Variants in BICD1 observed in about 807,000 individuals in gnomAD.
BICD1 encodes BICD cargo adaptor 1, also known as protein bicaudal D homolog 1.
In BICD1, 35 loss-of-function variants were observed where a neutral mutation model predicts 92.5. The ratio of observed to expected loss-of-function variants is 0.38; its 90% CI spans 0.29 to 0.50. BICD1 has a LOEUF of 0.50. BICD1 is among the 20% of genes least tolerant of loss of function. The pLI, the probability that BICD1 is intolerant of heterozygous loss-of-function variation, is 0.93. For missense variants in BICD1, 950 were observed against 1,189.8 expected (o/e 0.80, Z 2.97); for synonymous variants, 429 against 465.1 (o/e 0.92, Z 1.00).
chr12:32,167,748 G>A (rs896007936), intron 1 of BICD1, among the ~76,000 whole-genome samples: 16 of 152,216 alleles, frequency 1.1e-4, no homozygotes, highest in African/African-American at 2.4e-4. Context: ...GACCTACCGC[G>A]CCTGGCCTAT....
rs1939035276 is a variant in BICD1, at chr12:32,354,756, A to G, written c.2765-12914A>G. 2.6e-5 allele frequency among the ~76,000 whole-genome samples: 4 copies of G among 152,246 alleles called. No homozygotes were observed. In the South Asian group the frequency reaches 8.3e-4, roughly 32 times the overall value. On this transcript the variant is annotated intron_variant, in intron 8 of 9. Coordinates refer to ENST00000652176, the MANE Select transcript of BICD1 (RefSeq NM_001714.4). ...TCTCCATTTTTATTCATATCAGTGTACCATTAAATTCATCATTAGATTTTT... is the reference window on the plus strand; with the variant it reads ...TCTCCATTTTTATTCATATCAGTGTGCCATTAAATTCATCATTAGATTTTT...
chr12:32,160,160 C>T (rs1021302345), intron 1 of BICD1, among the ~76,000 whole-genome samples: 5 of 152,312 alleles, frequency 3.3e-5, no homozygotes, highest in East Asian at 3.9e-4. Flanking sequence ...ACCCCTCCCA[C>T]GGCCATGTCC....
intron 1 of BICD1, among the ~76,000 whole-genome samples, chr12:32,115,136 C>CA (rs1427549534): frequency 1.3e-5 from 2 of 152,132 alleles, no homozygotes; most frequent in Non-Finnish European, 2.9e-5. Flanking sequence ...GGATTACAGG[C>CA]ATGAGCCATT....
At chr12:32,270,511 C>T (rs7300174) in intron 2 of BICD1, among the ~76,000 whole-genome samples, 29,317 of 152,148 alleles carry the variant, frequency 0.19, 3,641 homozygotes, top group African/African-American at 0.36. Flanking sequence ...AGATATCTCA[C>T]ACATACTTTG....
At chr12:32,110,965 T>C (rs2121132377) in intron 1 of BICD1, among the ~76,000 whole-genome samples, 1 of 152,082 alleles carries the variant, frequency 6.6e-6, no homozygotes, top group East Asian at 1.9e-4. Context: ...TGTGCACATG[T>C]ACCCTAAAAC....
chr12:32,294,784 A>C (rs1947820150), intron 3 of BICD1, among the ~76,000 whole-genome samples: 3 of 151,808 alleles, frequency 2.0e-5, no homozygotes, highest in Admixed American at 2.0e-4. Context: ...AGAAGAGCAA[A>C]ATTATAAGAA....
chr12:32,282,516 CT>C (rs1947446610), intron 2 of BICD1, among the ~76,000 whole-genome samples: 1 of 152,070 alleles, frequency 6.6e-6, no homozygotes, highest in Non-Finnish European at 1.5e-5. Context: ...ACTTCCTGAG[CT>C]CTTTCAAGGA....
chr12:32,374,949 C>T (rs1282351874), intron 9 of BICD1, among the ~76,000 whole-genome samples: 3 of 99,154 alleles, frequency 3.0e-5, no homozygotes, highest in Non-Finnish European at 5.6e-5. Context: ...GACGGAGTCT[C>T]GCTCTGTCGT....
intron 2 of BICD1, among the ~76,000 whole-genome samples, chr12:32,236,872 C>CTTTTTTTTTTTTTTTTT (rs57318640): frequency 1.1e-5 from 1 of 89,320 alleles, no homozygotes; most frequent in African/African-American, 4.7e-5. Flanking sequence ...AAGTCTAATT[C>CTTTTTTTTTTTTTTTTT]TTTTTTTTTT....
intron 1 of BICD1, among the ~76,000 whole-genome samples, chr12:32,214,177 G>A (rs74934943): frequency 0.064 from 9,770 of 152,196 alleles, 442 homozygotes; most frequent in South Asian, 0.12. Context: ...TCTTTTAAAT[G>A]CATGTTGTAA....
chr12:32,331,439 G>A (rs1183041864), intron 5 of BICD1, among the ~76,000 whole-genome samples: 2 of 152,176 alleles, frequency 1.3e-5, no homozygotes, highest in Non-Finnish European at 2.9e-5. Context: ...TACAGGTTGA[G>A]TATCCCTTTT....
rs1487455730 is a variant in BICD1 at position 32,377,626 on chromosome 12, A to C, written c.2927A>C (p.Ter976SerextTer71). ...LHCLSKPPHP[*>S] ...TGTCTCTCCAAGCCTCCTCACCCCT[A>C]GTCTTCATCTCCTGTGGACGAACAT... The change falls in exon 10 of 10, where the codon TAG (stop) becomes TCG (serine). Residue 976 changes from the stop codon to serine (S), a stop_lost. Transcript: ENST00000652176. 6.2e-7 allele frequency: 1 copy of C among 1,611,210 alleles called. No individual in the cohort carries two copies. Among genetic ancestry groups the C allele is most frequent in the African/African-American group, 1.3e-5 (1 of 74,756 alleles).
intron 1 of BICD1, among the ~76,000 whole-genome samples, chr12:32,113,965 G>A (rs190864785): frequency 5.5e-4 from 84 of 152,012 alleles, no homozygotes; most frequent in African/African-American, 1.9e-3. Flanking sequence ...TCTGCCTCCC[G>A]GGTTCAAGTG....
Position 32,252,338 on chromosome 12 carries a change from A to T in BICD1, c.426+35879A>T, listed in dbSNP as rs1333590995. Among the ~76,000 whole-genome samples, 3 of 151,022 alleles carry T rather than the reference A, an allele frequency of 2.0e-5. No individual in the cohort carries two copies. In the Admixed American group the frequency reaches 2.0e-4, roughly 10 times the overall value. On this transcript the variant is annotated intron_variant, in intron 2 of 9. Transcript: ENST00000652176. Reference sequence around the variant, plus strand: ...GTTTCCCTAGAAGCAACTTCCCTTCAGTCCGATTCACATCAAAGATGTGAC... The same window carrying T: ...GTTTCCCTAGAAGCAACTTCCCTTCTGTCCGATTCACATCAAAGATGTGAC...
At chr12:32,353,391 A>C (rs1938967763) in intron 8 of BICD1, 1 of 152,116 alleles carries the variant, frequency 6.6e-6, no homozygotes, top group Admixed American at 6.6e-5. Context: ...TTTTGAGATA[A>C]CTGAATTGTT....
At chr12:32,274,504 T>C (rs1947226933) in intron 2 of BICD1, among the ~76,000 whole-genome samples, 1 of 152,210 alleles carries the variant, frequency 6.6e-6, no homozygotes, top group African/African-American at 2.4e-5. Flanking sequence ...AGCTCCAGAA[T>C]CAGTTCTGAA....
At chr12:32,243,264 A>ATTTTTTTTTTTTTTTTTTTTTTTTTTTT (rs71068310) in intron 2 of BICD1, among the ~76,000 whole-genome samples, 7 of 74,034 alleles carry the variant, frequency 9.5e-5, no homozygotes, top group South Asian at 6.2e-4. Flanking sequence ...TGCCTGGCTA[A>ATTTTTTTTTTTTTTTTTTTTTTTTTTTT]TTTTTTTTTT....
chr12:32,162,749 G>A (rs1024258149), intron 1 of BICD1, among the ~76,000 whole-genome samples: 13 of 152,136 alleles, frequency 8.5e-5, no homozygotes, highest in African/African-American at 2.9e-4. Context: ...TTGGCAGACC[G>A]AGGCAGGAGG....
intron 1 of BICD1, among the ~76,000 whole-genome samples, chr12:32,199,984 C>A (rs1944858826): frequency 6.6e-6 from 1 of 152,132 alleles, no homozygotes; most frequent in Non-Finnish European, 1.5e-5. Flanking sequence ...AGGGCACTGG[C>A]TTTTTTAACT....
Sources: gnomAD v4.1 joint callset for allele counts (sites outside exome capture counted in the v4.1 genomes callset) on GRCh38, gnomAD v4.1.1 for gene constraint, MANE v1.5 for transcripts, NCBI Gene and HGNC (gene_info 2026-07-23, HGNC 2026-07-21) for gene names.